The following PRICKLE2 variants were observed in gnomAD, a reference collection of about 807,000 sequenced individuals.
The protein encoded by PRICKLE2 is prickle planar cell polarity protein 2.
In PRICKLE2, 21 loss-of-function variants were observed where a neutral mutation model predicts 81.4. That is an observed-to-expected ratio of 0.26 (90% CI 0.18 to 0.37). The LOEUF is 0.37. Ranked by LOEUF, PRICKLE2 falls within the 10% of genes least tolerant of loss-of-function variation. The probability of loss-of-function intolerance (pLI) is 1.00; values close to 1 mark genes in which losing one functional copy is unlikely to be tolerated. For missense variants in PRICKLE2, 940 were observed against 1,109.0 expected, an observed-to-expected ratio of 0.85 and a Z score of 2.16; for synonymous variants, 456 against 421.5, an observed-to-expected ratio of 1.08 and a Z score of -1.00.
chr3:64,221,980 T>C (rs939719165), intron 1 of PRICKLE2, among the ~76,000 whole-genome samples: 3 of 152,232 alleles, frequency 2.0e-5, no homozygotes, highest in Non-Finnish European at 4.4e-5. Flanking sequence ...CTTGTTGTTA[T>C]TGATTTCTAA....
chr3:64,176,238 C>T (rs1045054827), intron 2 of PRICKLE2, among the ~76,000 whole-genome samples: 2 of 152,106 alleles, frequency 1.3e-5, no homozygotes, highest in African/African-American at 4.8e-5. Context: ...AATCAGGTTC[C>T]GTTATTAGGA....
intron 1 of PRICKLE2, among the ~76,000 whole-genome samples, chr3:64,218,334 A>C (rs2078903853): frequency 6.6e-6 from 1 of 152,254 alleles, no homozygotes; most frequent in Non-Finnish European, 1.5e-5. Context: ...AATCTCAAGT[A>C]CCTGAAATAT....
chr3:64,166,220 C>G (rs758297996), intron 2 of PRICKLE2, among the ~76,000 whole-genome samples: 1 of 152,140 alleles, frequency 6.6e-6, no homozygotes, highest in Non-Finnish European at 1.5e-5. Flanking sequence ...TGAGTTTGCA[C>G]AGCATCACTT....
intron 1 of PRICKLE2, among the ~76,000 whole-genome samples, chr3:64,203,496 CA>C (rs2078626789): frequency 1.3e-5 from 2 of 152,156 alleles, no homozygotes; most frequent in African/African-American, 4.8e-5. Context: ...AATTCAGTCC[CA>C]AAATATCCAC....
chr3:64,211,805 C>A (rs991586620), intron 1 of PRICKLE2, among the ~76,000 whole-genome samples: 2 of 152,102 alleles, frequency 1.3e-5, no homozygotes, highest in African/African-American at 2.4e-5. Context: ...TCAGGGAAGG[C>A]CTGCTTGAGG....
intron 2 of PRICKLE2, among the ~76,000 whole-genome samples, chr3:64,238,270 A>G (rs1329078823): frequency 6.6e-6 from 1 of 152,096 alleles, no homozygotes; most frequent in Non-Finnish European, 1.5e-5. Context: ...GCAGGTACGA[A>G]CGAGGTCAAG....
chr3:64,095,784 A>G lies in PRICKLE2; in HGVS notation c.*3267T>C, dbSNP rs965644039. On this transcript the variant is annotated 3_prime_UTR_variant, in exon 8 of 8. Coordinates refer to ENST00000638394, the MANE Select transcript of PRICKLE2 (RefSeq NM_198859.4). ...GTAGAAAGGAAGGAATAAAAAATAA[A>G]AGGTGAAAGTGGAAAGAAGGTGTCA... 1 of 152,202 alleles carries G rather than the reference A, an allele frequency of 6.6e-6. No homozygotes were observed. The highest frequency in any genetic ancestry group is 1.5e-5 in the Non-Finnish European group (1 of 68,042). The allele number at this position is 152,202 out of a possible 1,614,324, so 9.4% of individuals were successfully genotyped here. A position where few individuals can be genotyped will look rare whatever the true frequency, so the allele number is the denominator to read the frequency against.
chr3:64,157,655 T>C (rs1352475261), intron 4 of PRICKLE2, among the ~76,000 whole-genome samples: 1 of 152,212 alleles, frequency 6.6e-6, no homozygotes, highest in Non-Finnish European at 1.5e-5. Flanking sequence ...ACAGGGGCTC[T>C]GCAGGCAGGA....
At chr3:64,113,029 C>G (rs781082912) in intron 7 of PRICKLE2, among the ~76,000 whole-genome samples, 31 of 152,172 alleles carry the variant, frequency 2.0e-4, no homozygotes, top group South Asian at 4.1e-4. Flanking sequence ...TGAACAACAA[C>G]AGCTCAGGGG....
chr3:64,203,839 A>C (rs1315845146), intron 1 of PRICKLE2, among the ~76,000 whole-genome samples: 1 of 150,600 alleles, frequency 6.6e-6, no homozygotes, highest in African/African-American at 2.4e-5. Context: ...TCAGCTGGGC[A>C]TGGTGGTGGG....
intron 2 of PRICKLE2, among the ~76,000 whole-genome samples, chr3:64,248,159 T>C (rs886414816): frequency 6.6e-6 from 1 of 152,232 alleles, no homozygotes; most frequent in Non-Finnish European, 1.5e-5. Context: ...ATATTAGAAA[T>C]AATTCACTCA....
At chr3:64,222,879 T>C (rs1269382709) in intron 1 of PRICKLE2, among the ~76,000 whole-genome samples, 7 of 152,252 alleles carry the variant, frequency 4.6e-5, no homozygotes, top group Non-Finnish European at 1.0e-4. Flanking sequence ...TTTCTACATG[T>C]GACTTGTCAG....
chr3:64,248,981 G>C (rs907249898), intron 2 of PRICKLE2, among the ~76,000 whole-genome samples: 1 of 152,138 alleles, frequency 6.6e-6, no homozygotes, highest in Non-Finnish European at 1.5e-5. Flanking sequence ...ATTTTCACTA[G>C]TATTTACTAC....
intron 7 of PRICKLE2, among the ~76,000 whole-genome samples, chr3:64,135,921 C>G (rs181564645): frequency 6.6e-6 from 1 of 152,104 alleles, no homozygotes; most frequent in Non-Finnish European, 1.5e-5. Flanking sequence ...GATTCTAGAG[C>G]GGAAACAGGT....
chr3:64,204,777 T>G (rs2078651899), intron 1 of PRICKLE2, among the ~76,000 whole-genome samples: 1 of 152,214 alleles, frequency 6.6e-6, no homozygotes, highest in African/African-American at 2.4e-5. Context: ...TAAAGAATTT[T>G]CAACCTTTGA....
At chr3:64,143,086 T>C (rs1295964680) in intron 7 of PRICKLE2, among the ~76,000 whole-genome samples, 1 of 152,198 alleles carries the variant, frequency 6.6e-6, no homozygotes, top group Non-Finnish European at 1.5e-5. Flanking sequence ...GTGCCCATCT[T>C]ATCAGTTCAC....
chr3:64,189,493 A>T (rs1460117231), intron 2 of PRICKLE2, among the ~76,000 whole-genome samples: 1 of 152,168 alleles, frequency 6.6e-6, no homozygotes, highest in Non-Finnish European at 1.5e-5. Context: ...GGGGTGGAGG[A>T]GGAAAAGCCC....
intron 2 of PRICKLE2, among the ~76,000 whole-genome samples, chr3:64,254,363 T>C (rs536590457): frequency 6.6e-6 from 1 of 152,278 alleles, no homozygotes; most frequent in Admixed American, 6.5e-5. Context: ...GCAACTCAGC[T>C]TCTGGCAAGA....
At chr3:64,101,603 C>T (rs1292605869) in intron 7 of PRICKLE2, 1 of 152,142 alleles carries the variant, frequency 6.6e-6, no homozygotes, top group East Asian at 1.9e-4. Context: ...TAGGAATTCA[C>T]AAGTCCATGC....
Sources: gnomAD v4.1 joint callset for allele counts (sites outside exome capture counted in the v4.1 genomes callset) on GRCh38, gnomAD v4.1.1 for gene constraint, MANE v1.5 for transcripts, NCBI Gene and HGNC (gene_info 2026-07-23, HGNC 2026-07-21) for gene names.